The following MEI4 variants were observed in gnomAD, a reference collection of about 807,000 sequenced individuals.
MEI4 encodes meiotic double-stranded break formation protein 4.
MEI4 carries 27 observed loss-of-function variants against 31.4 expected under a neutral mutation model. The ratio of observed to expected loss-of-function variants is 0.86; its 90% CI spans 0.63 to 1.19. The LOEUF is 1.19. Among genes scored for constraint, MEI4 ranks in the 50% most tolerant of loss-of-function variants. The pLI, the probability that MEI4 is intolerant of heterozygous loss-of-function variation, is 0.00. For missense variants in MEI4, 329 were observed against 398.9 expected (o/e 0.82, Z 1.49); for synonymous variants, 122 against 145.4 (o/e 0.84, Z 1.16).
intron 2 of MEI4, among the ~76,000 whole-genome samples, chr6:77,705,065 A>G (rs1766302070): frequency 6.6e-6 from 1 of 152,202 alleles, no homozygotes; most frequent in Non-Finnish European, 1.5e-5. Context: ...TGACCCTAGC[A>G]ACTATGTTTG....
At position 77,847,758 on chromosome 6, in the gene MEI4, G is replaced by A. The variant is rs557529832; in HGVS notation, c.900+18696G>A. Among the ~76,000 whole-genome samples, 1 of 152,162 alleles carries A rather than the reference G, an allele frequency of 6.6e-6. No homozygotes were observed. The highest frequency in any genetic ancestry group is 2.1e-4 in the South Asian group (1 of 4,822). ...CTGTTTTTTGTATGTACTGAGGTTA[G>A]TGAAAATTTCTTATTTATTTTTCTA... is the stretch of plus-strand genomic sequence containing the variant. On this transcript the variant is annotated intron_variant, in intron 4 of 4. Coordinates refer to ENST00000684080, the MANE Select transcript of MEI4 (RefSeq NM_001322247.2). The surrounding 1 kb of genome is among the most constrained non-coding windows in gnomAD (Gnocchi z 4.6).
rs578067037 is a variant in MEI4, at chr6:77,755,573, C to T, written c.233-5557C>T. Among the ~76,000 whole-genome samples the T allele has an allele frequency of 1.4e-3, 212 of 152,144 alleles. 1 individual carries two copies. The highest frequency in any genetic ancestry group is 4.5e-3 in the African/African-American group (186 of 41,510). Reference sequence around the variant, plus strand: ...AGCTGAGATTACAGGCACACACCACCACACCCGGCTAACTTTTGTATTTTT... The same window carrying T: ...AGCTGAGATTACAGGCACACACCACTACACCCGGCTAACTTTTGTATTTTT... On this transcript the variant is annotated intron_variant, in intron 2 of 4. Transcript: ENST00000684080.
In MEI4 at chr6:77,925,639, T is replaced by C. The variant is rs1766824417; in HGVS notation, c.*2293T>C. On this transcript the variant is annotated 3_prime_UTR_variant, in exon 5 of 5. Transcript: ENST00000684080. ...TGGAGTCAGTAGTAATTGGGCAGCA[T>C]TGAAACTGGATATAAGATAGGATAG... The C allele has an allele frequency of 6.6e-6, 1 of 151,304 alleles. No homozygotes were observed. Among genetic ancestry groups the C allele is most frequent in the African/African-American group, 2.4e-5 (1 of 41,288 alleles). 9.4% of individuals were successfully genotyped at this position (151,304 alleles called of 1,614,324 possible).
intron 3 of MEI4, among the ~76,000 whole-genome samples, chr6:77,814,838 C>T (rs921930243): frequency 2.6e-5 from 4 of 152,068 alleles, no homozygotes; most frequent in African/African-American, 9.7e-5. Flanking sequence ...GAGAAAGGCA[C>T]AGACCACAGA....
chr6:77,739,432 A>G (rs1767340781), intron 2 of MEI4, among the ~76,000 whole-genome samples: 1 of 152,188 alleles, frequency 6.6e-6, no homozygotes, highest in Admixed American at 6.5e-5. Context: ...AGGGACATGG[A>G]TGAACCTGGA....
intron 1 of MEI4, among the ~76,000 whole-genome samples, chr6:77,655,250 G>T (rs1398989778): frequency 1.3e-5 from 2 of 152,038 alleles, no homozygotes; most frequent in Non-Finnish European, 2.9e-5. Context: ...CTTTTTTATG[G>T]CTGCATAGTA....
intron 4 of MEI4, among the ~76,000 whole-genome samples, chr6:77,874,328 G>A (rs1165499542): frequency 2.0e-5 from 3 of 152,142 alleles, no homozygotes; most frequent in Admixed American, 6.5e-5. Flanking sequence ...CACATCCCTT[G>A]TAAGTTGGAT....
Position 77,886,723 on chromosome 6 carries a change from G to A in MEI4, c.901-36366G>A, listed in dbSNP as rs377511073. Among the ~76,000 whole-genome samples, 17 of 152,292 alleles carry A rather than the reference G, an allele frequency of 1.1e-4. No individual in the cohort carries two copies. In the East Asian group the frequency reaches 3.3e-3, roughly 29 times the overall value. ...GCTGGGATTACAGACATGAGCCACT[G>A]CACCTGGCCCTGTTAGAGTATAATT... On this transcript the variant is annotated intron_variant, in intron 4 of 4. Transcript: ENST00000684080.
chr6:77,851,305 A>G (rs1770613893), intron 4 of MEI4, among the ~76,000 whole-genome samples: 1 of 152,266 alleles, frequency 6.6e-6, no homozygotes. Flanking sequence ...AAAGGATTAT[A>G]AGTCATGCTG....
chr6:77,737,705 G>T (rs115048139), intron 2 of MEI4, among the ~76,000 whole-genome samples: 199 of 152,280 alleles, frequency 1.3e-3, no homozygotes, highest in African/African-American at 4.7e-3. Context: ...CAGAGGGAAG[G>T]TTTAATGCAA....
chr6:77,856,224 A>G (rs1770742516), intron 4 of MEI4, among the ~76,000 whole-genome samples: 1 of 152,062 alleles, frequency 6.6e-6, no homozygotes, highest in Admixed American at 6.6e-5. Flanking sequence ...CTCATCTCCC[A>G]CAGTGTACAC....
chr6:77,668,345 G>A (rs1173134507), intron 1 of MEI4, among the ~76,000 whole-genome samples: 2 of 152,216 alleles, frequency 1.3e-5, no homozygotes, highest in East Asian at 3.9e-4. Flanking sequence ...AGAGTGTCTG[G>A]AAGGAATTTC....
Position 77,684,886 on chromosome 6 carries a change from A to G in MEI4, c.-14-5772A>G, listed in dbSNP as rs1279426762. ...TACACCCAAAGTGAGATTGCTGCAC[A>G]TATGGTAGCTCAATTTTTAGTTTTT... On this transcript the variant is annotated intron_variant, in intron 1 of 4. Transcript: ENST00000684080. Among the ~76,000 whole-genome samples, 9 of 152,148 alleles carry G rather than the reference A, an allele frequency of 5.9e-5. No individual in the cohort carries two copies. The East Asian group carries it at 1.7e-3, about 29-fold the overall frequency.
intron 1 of MEI4, among the ~76,000 whole-genome samples, chr6:77,679,769 C>A (rs1768917524): frequency 6.6e-6 from 1 of 151,834 alleles, no homozygotes; most frequent in Non-Finnish European, 1.5e-5. Flanking sequence ...CCAAGACAGT[C>A]TCGCTCCGTC....
At chr6:77,661,217 C>T (rs757284795) in intron 1 of MEI4, among the ~76,000 whole-genome samples, 1 of 152,038 alleles carries the variant, frequency 6.6e-6, no homozygotes, top group Non-Finnish European at 1.5e-5. Context: ...ACCATTAGTC[C>T]GTTCTACCTT....
At chr6:77,868,642 A>C (rs745543969) in intron 4 of MEI4, among the ~76,000 whole-genome samples, 7 of 151,122 alleles carry the variant, frequency 4.6e-5, no homozygotes, top group Admixed American at 2.0e-4. Flanking sequence ...TTTTTAGAGT[A>C]GAAGAAGTCT....
Position 77,756,393 on chromosome 6 carries a change from A to G in MEI4, c.233-4737A>G, listed in dbSNP as rs1767918854. Among the ~76,000 whole-genome samples, 3 of 152,122 alleles carry G rather than the reference A, an allele frequency of 2.0e-5. No homozygotes were observed. The South Asian group carries it at 6.2e-4, about 31-fold the overall frequency. The stretch of plus-strand genomic sequence containing the variant: ...CCTTATTAGGGAGTGAGTGGTTTCC[A>G]GTATGGAAGCATTGGTTTCCAGTGT... On this transcript the variant is annotated intron_variant, in intron 2 of 4. Coordinates refer to ENST00000684080, the MANE Select transcript of MEI4 (RefSeq NM_001322247.2).
intron 2 of MEI4, among the ~76,000 whole-genome samples, chr6:77,740,680 G>A (rs933684093): frequency 6.6e-6 from 1 of 152,040 alleles, no homozygotes; most frequent in Admixed American, 6.6e-5. Flanking sequence ...ATCATAGATG[G>A]TACTAACAAA....
chr6:77,714,258 A>G (rs1198401288), intron 2 of MEI4, among the ~76,000 whole-genome samples: 3 of 152,082 alleles, frequency 2.0e-5, no homozygotes, highest in Non-Finnish European at 4.4e-5. Context: ...CAAAACAGAA[A>G]AGTAAAGCAA....
Sources: allele counts gnomAD v4.1 joint callset (sites outside exome capture counted in the v4.1 genomes callset), GRCh38; gene constraint gnomAD v4.1.1; non-coding constraint Gnocchi (gnomAD v3.1); transcripts MANE v1.5; gene names NCBI Gene and HGNC (gene_info 2026-07-23, HGNC 2026-07-21).